Variants in RELCH observed in about 807,000 individuals in gnomAD.
RELCH encodes the protein RAB11-binding protein RELCH.
In RELCH, 41 loss-of-function variants were observed where a neutral mutation model predicts 150.3. The observed-to-expected ratio is 0.27, with a 90% CI of 0.21 to 0.35. RELCH has a LOEUF of 0.35. Among genes scored for constraint, RELCH ranks in the 10% least tolerant of loss-of-function variants. RELCH has a pLI of 1.00. For missense variants in RELCH, 1,092 were observed against 1,467.8 expected (o/e 0.74, Z 4.18); for synonymous variants, 478 against 531.8 (o/e 0.90, Z 1.39).
intron 1 of RELCH, among the ~76,000 whole-genome samples, chr18:62,209,284 C>T (rs73456657): frequency 0.012 from 1,781 of 152,298 alleles, 27 homozygotes; most frequent in East Asian, 0.052. Context: ...GCAATTTTCA[C>T]TTACATTGGG....
chr18:62,261,396 C>A, intron 15 of RELCH, 115 bp from the exon 16 acceptor site: 1 of 888,930 alleles, frequency 1.1e-6, no homozygotes, highest in Non-Finnish European at 1.7e-6. Flanking sequence ...TTGAGTCCAA[C>A]ATAAAGGTCC....
At chr18:62,214,747 A>C (rs1173611859) in intron 2 of RELCH, among the ~76,000 whole-genome samples, 2 of 152,134 alleles carry the variant, frequency 1.3e-5, no homozygotes, top group Non-Finnish European at 2.9e-5. Context: ...GAGCTGCACC[A>C]CAAGCCTCAC....
chr18:62,231,441 A>G (rs995374011), intron 9 of RELCH, among the ~76,000 whole-genome samples, 172 bp downstream of exon 9: 1 of 152,056 alleles, frequency 6.6e-6, no homozygotes, highest in Admixed American at 6.6e-5. Context: ...CTTTTAAGGA[A>G]AGTAGTTGAT....
Position 62,305,391 on chromosome 18 carries a change from G to T in RELCH, c.3531-23G>T. On this transcript the variant is annotated intron_variant, in intron 28 of 28. Coordinates refer to ENST00000644646, the MANE Select transcript of RELCH (RefSeq NM_001346231.2). This position sits in a 1 kb window ranked among gnomAD's most constrained non-coding sequence, Gnocchi z 4.0. Reference sequence around the variant, plus strand: ...TTTTATTTTTTTAATTGCTTTACATGAATTTTAAATTTTCTTTCCTAGCTC... The same window carrying T: ...TTTTATTTTTTTAATTGCTTTACATTAATTTTAAATTTTCTTTCCTAGCTC... The T allele has an allele frequency of 6.4e-7, 1 of 1,573,498 alleles. No individual in the cohort carries two copies.
chr18:62,299,588 T>C (rs1170903624), intron 28 of RELCH, among the ~76,000 whole-genome samples: 1 of 152,218 alleles, frequency 6.6e-6, no homozygotes, highest in Non-Finnish European at 1.5e-5. Context: ...TTAGAACCCT[T>C]ACTTTATAAA....
intron 10 of RELCH, 65 bp from the exon 11 acceptor site, chr18:62,244,698 TG>T: frequency 9.8e-7 from 1 of 1,020,888 alleles, no homozygotes; most frequent in Non-Finnish European, 1.5e-6. Context: ...AAGAATATTG[TG>T]GAGGAAAAAA....
intron 19 of RELCH, among the ~76,000 whole-genome samples, chr18:62,267,434 ATG>A (rs145946546): frequency 2.5e-3 from 364 of 143,404 alleles, no homozygotes; most frequent in African/African-American, 8.3e-3. Flanking sequence ...GTATATATGT[ATG>A]TGTGTGTGTG....
chr18:62,260,449 A>G (rs1406621733), intron 15 of RELCH, among the ~76,000 whole-genome samples: 1 of 151,938 alleles, frequency 6.6e-6, no homozygotes, highest in Non-Finnish European at 1.5e-5. Flanking sequence ...AGGAATGTAA[A>G]TTAGTACAGC....
chr18:62,291,445 G>C (rs2980983), intron 26 of RELCH, 98 bp from the exon 27 acceptor site: 1 of 611,638 alleles, frequency 1.6e-6, no homozygotes, highest in Non-Finnish European at 2.9e-6. Flanking sequence ...CCATAGGTAT[G>C]ATATAAGAAG....
chr18:62,305,408 T>A lies in RELCH; in HGVS notation c.3531-6T>A. On this transcript the variant is annotated splice_polypyrimidine_tract_variant and splice_region_variant and intron_variant, in intron 28 of 28. Coordinates refer to ENST00000644646, the MANE Select transcript of RELCH (RefSeq NM_001346231.2). The surrounding 1 kb of genome is among the most constrained non-coding windows in gnomAD (Gnocchi z 4.0). ...CTTTACATGAATTTTAAATTTTCTT[T>A]CCTAGCTCAATGTCAATTGCTGCAA... is the stretch of plus-strand genomic sequence containing the variant. 6.3e-7 allele frequency: 1 copy of A among 1,584,348 alleles called. No homozygotes were observed. Among genetic ancestry groups the A allele is most frequent in the Non-Finnish European group, 8.5e-7 (1 of 1,170,168 alleles).
intron 26 of RELCH, among the ~76,000 whole-genome samples, chr18:62,288,024 A>T (rs1031485258): frequency 3.9e-5 from 6 of 152,138 alleles, no homozygotes; most frequent in African/African-American, 1.2e-4. Flanking sequence ...AGGCTTAAAG[A>T]CATGAATGCC....
intron 1 of RELCH, among the ~76,000 whole-genome samples, chr18:62,208,856 A>G (rs924172870): frequency 6.6e-6 from 1 of 152,206 alleles, no homozygotes; most frequent in Non-Finnish European, 1.5e-5. Context: ...GCTGCATAGT[A>G]GAAATCTCAC....
At chr18:62,230,455 G>C (rs777557967) in intron 8 of RELCH, among the ~76,000 whole-genome samples, 1 of 151,980 alleles carries the variant, frequency 6.6e-6, no homozygotes, top group Non-Finnish European at 1.5e-5. Flanking sequence ...TCCATTTTGT[G>C]GTGTATACTA....
At chr18:62,261,460 G>A in intron 15 of RELCH, 51 bp from the exon 16 acceptor site, 1 of 1,526,718 alleles carries the variant, frequency 6.5e-7, no homozygotes, top group Non-Finnish European at 9.0e-7. Context: ...AATCCAATTA[G>A]CAATGTAACT....
rs770631173 is a variant in RELCH, at chr18:62,232,175, C to CTGTTGTTGT, written c.1525-155_1525-154insTTGTTGTTG. ...ACTGTTGCTGTTGTTGCTGCTGCTG[C>CTGTTGTTGT]TGCTGTTGTTGTTGTTGTTGTTGTT... On this transcript the variant is annotated intron_variant, in intron 9 of 28. Transcript: ENST00000644646. Among the ~76,000 whole-genome samples the CTGTTGTTGT allele has an allele frequency of 2.3e-3, 348 of 150,914 alleles. 1 individual carries two copies. Among genetic ancestry groups the CTGTTGTTGT allele is most frequent in the Middle Eastern group, 6.8e-3 (2 of 292 alleles).
In RELCH at chr18:62,273,994, A is replaced by C; in HGVS notation, c.2775A>C (p.Lys925Asn). Residue 925 changes from lysine to asparagine, a missense_variant, in exon 21 of 29, where the codon AAA (lysine) becomes AAC (asparagine). By Grantham distance (94) the Lys-to-Asn change is moderately conservative (BLOSUM62 0). Around this residue, in one of 4 missense-constraint regions of RELCH, gnomAD observed 707 missense variants for 1,025.4 expected, o/e 0.69. Transcript: ENST00000644646. ...LTCYIQEEDR[K>N]LLVGFLEDVM... ...TTCCTCTGTAGGAAGAAGACCGAAA[A>C]CTGTTAGTTGGATTCTTAGAAGATG... 2.5e-6 allele frequency: 4 copies of C among 1,611,068 alleles called. No homozygotes were observed. Among genetic ancestry groups the C allele is most frequent in the Non-Finnish European group, 3.4e-6 (4 of 1,177,812 alleles).
At chr18:62,214,284 CT>C (rs1485160931) in intron 2 of RELCH, among the ~76,000 whole-genome samples, 3 of 151,628 alleles carry the variant, frequency 2.0e-5, no homozygotes, top group Admixed American at 1.3e-4. Flanking sequence ...GTAGATGAAA[CT>C]TTTTTTAAAA....
In RELCH at chr18:62,308,154, GTC is replaced by G. The variant is rs977973152; in HGVS notation, c.*2626_*2627del. 6.6e-6 allele frequency: 1 copy of G among 152,112 alleles called. No individual in the cohort carries two copies. The highest frequency in any genetic ancestry group is 1.5e-5 in the Non-Finnish European group (1 of 68,004). The allele number at this position is 152,112 out of a possible 1,614,324, so 9.4% of individuals were successfully genotyped here. ...TGTTTTTAAAAAGTTGGCTCAAATA[GTC>G]TCTCTTAAAATTTAGAGAGGTGAGA... On this transcript the variant is annotated 3_prime_UTR_variant, in exon 29 of 29. Transcript: ENST00000644646.
At position 62,241,291 on chromosome 18, in the gene RELCH, C is replaced by A. The variant is rs1641664575; in HGVS notation, c.1621-3473C>A. Among the ~76,000 whole-genome samples the A allele has an allele frequency of 2.0e-5, 3 of 152,104 alleles. No individual in the cohort carries two copies. The South Asian group carries it at 6.2e-4, about 31-fold the overall frequency. The stretch of plus-strand genomic sequence containing the variant: ...TTTACCACTCAGAGCAACACCAGCC[C>A]CAGATAGTCACTGCCCACAACAGAT... On this transcript the variant is annotated intron_variant, in intron 10 of 28. Transcript: ENST00000644646.
Sources: allele counts gnomAD v4.1 joint callset (sites outside exome capture counted in the v4.1 genomes callset), GRCh38; gene constraint gnomAD v4.1.1; regional missense constraint gnomAD v4.1.1; non-coding constraint Gnocchi (gnomAD v3.1); transcripts MANE v1.5; gene names NCBI Gene and HGNC (gene_info 2026-07-23, HGNC 2026-07-21).